Variants in COL14A1 observed in about 807,000 individuals in gnomAD.
COL14A1 encodes collagen alpha-1(XIV) chain.
In COL14A1, 136 loss-of-function variants were observed where a neutral mutation model predicts 230.3. The ratio of observed to expected loss-of-function variants is 0.59; its 90% CI spans 0.51 to 0.68. COL14A1 has a LOEUF of 0.68. Among genes scored for constraint, COL14A1 ranks in the 30% least tolerant of loss-of-function variants. The pLI is 0.00. For synonymous variants in COL14A1, 792 were observed against 784.1 expected (o/e 1.01, Z -0.17); for missense variants, 1,976 against 2,215.8 (o/e 0.89, Z 2.17).
At chr8:120,225,965 G>A (rs1402317102) in intron 15 of COL14A1, among the ~76,000 whole-genome samples, 1 of 151,114 alleles carries the variant, frequency 6.6e-6, no homozygotes, top group Non-Finnish European at 1.5e-5. Context: ...GATTCTCATG[G>A]TGTCCTATCA....
chr8:120,269,896 T>A, intron 25 of COL14A1, 139 bp from the exon 26 acceptor site: 2 of 808,128 alleles, frequency 2.5e-6, no homozygotes, highest in Non-Finnish European at 3.8e-6. Context: ...GAGTTTGGAA[T>A]ATGAACATTA....
chr8:120,325,056 A>G (rs756513178), intron 40 of COL14A1, among the ~76,000 whole-genome samples: 1 of 152,218 alleles, frequency 6.6e-6, no homozygotes, highest in Non-Finnish European at 1.5e-5. Context: ...TGTCTGTATA[A>G]CAACATGGTT....
intron 46 of COL14A1, among the ~76,000 whole-genome samples, chr8:120,367,456 T>G (rs1167428165): frequency 1.3e-5 from 2 of 152,174 alleles, no homozygotes; most frequent in East Asian, 3.9e-4. Flanking sequence ...GATCTTATTG[T>G]TTGTGTGAGT....
At chr8:120,275,787 C>A (rs1371995159) in intron 26 of COL14A1, among the ~76,000 whole-genome samples, 1 of 151,784 alleles carries the variant, frequency 6.6e-6, no homozygotes, top group Non-Finnish European at 1.5e-5. Context: ...TGAGATACCT[C>A]CTTGCCCCTG....
At chr8:120,332,637 T>G in intron 41 of COL14A1, 27 bp from the exon 42 acceptor site, 1 of 1,597,024 alleles carries the variant, frequency 6.3e-7, no homozygotes, top group East Asian at 2.2e-5. Context: ...TTCCTGACTT[T>G]GTTCCATTTT....
chr8:120,276,916 G>C (rs1359671556), intron 26 of COL14A1, among the ~76,000 whole-genome samples: 2 of 152,164 alleles, frequency 1.3e-5, no homozygotes, highest in African/African-American at 4.8e-5. Flanking sequence ...AAAGAAGCAA[G>C]TTCCCTTTGA....
chr8:120,266,912 T>G, intron 25 of COL14A1, 29 bp downstream of exon 25: 1 of 1,574,170 alleles, frequency 6.4e-7, no homozygotes, highest in Non-Finnish European at 8.7e-7. Flanking sequence ...AATTATCTGA[T>G]TCTAGGTTTA....
chr8:120,166,489 A>G (rs1354493335), intron 4 of COL14A1, among the ~76,000 whole-genome samples: 1 of 151,530 alleles, frequency 6.6e-6, no homozygotes, highest in Non-Finnish European at 1.5e-5. Flanking sequence ...TCAAAACGGA[A>G]GTTTCTCTAA....
At chr8:120,268,747 G>T (rs1326677530) in intron 25 of COL14A1, among the ~76,000 whole-genome samples, 1 of 151,650 alleles carries the variant, frequency 6.6e-6, no homozygotes, top group East Asian at 1.9e-4. Context: ...TACCCCAGAG[G>T]TAACTCCTTC....
At chr8:120,182,757 C>T (rs1353404228) in intron 5 of COL14A1, among the ~76,000 whole-genome samples, 5 of 127,962 alleles carry the variant, frequency 3.9e-5, no homozygotes, top group Non-Finnish European at 7.8e-5. Flanking sequence ...GGTGGAGTCT[C>T]ACTCTGTAGC....
At position 120,189,522 on chromosome 8, in the gene COL14A1, T is replaced by C. The variant is rs146910189; in HGVS notation, c.437-7269T>C. Reference sequence around the variant, plus strand: ...ATTATACTTTAAGTTTTAGGGTACATGTGCACAATGTGCAGGTTAGTTACA... The same window carrying C: ...ATTATACTTTAAGTTTTAGGGTACACGTGCACAATGTGCAGGTTAGTTACA... On this transcript the variant is annotated intron_variant, in intron 5 of 47. Coordinates refer to ENST00000297848, the MANE Select transcript of COL14A1 (RefSeq NM_021110.4). 9.7e-3 allele frequency among the ~76,000 whole-genome samples: 1,479 copies of C among 151,994 alleles called. 26 individuals carry two copies. The highest frequency in any genetic ancestry group is 0.034 in the African/African-American group (1,423 of 41,490).
At chr8:120,133,238 A>T (rs572831629) in intron 1 of COL14A1, among the ~76,000 whole-genome samples, 142 of 151,972 alleles carry the variant, frequency 9.3e-4, no homozygotes, top group Non-Finnish European at 8.8e-4. Context: ...AATAAAAAAA[A>T]AAAAAATAAC....
At chr8:120,137,736 A>G (rs965306284) in intron 1 of COL14A1, among the ~76,000 whole-genome samples, 4 of 151,480 alleles carry the variant, frequency 2.6e-5, no homozygotes, top group Admixed American at 6.6e-5. Context: ...ATATTGTTTA[A>G]TTTTCAAATA....
At chr8:120,201,210 C>T (rs1210489952) in intron 8 of COL14A1, among the ~76,000 whole-genome samples, 4 of 152,014 alleles carry the variant, frequency 2.6e-5, no homozygotes, top group Non-Finnish European at 5.9e-5. Context: ...CAAAGACATC[C>T]AGGGAAAAAA....
At position 120,182,726 on chromosome 8, in the gene COL14A1, G is replaced by GTT. The variant is rs756254098; in HGVS notation, c.437-14048_437-14047dup. Among the ~76,000 whole-genome samples, 65 of 129,006 alleles carry GTT rather than the reference G, an allele frequency of 5.0e-4. 1 individual carries two copies. The highest frequency in any genetic ancestry group is 1.3e-3 in the East Asian group (6 of 4,466). The allele number at this position is 129,006 out of a possible 152,430, so 84.6% of individuals were successfully genotyped here. A position where few individuals can be genotyped will look rare whatever the true frequency, so the allele number is the denominator to read the frequency against. ...AACTTAATTTTTTTTATTTTTCTTC[G>GTT]TTTTTTTTTTTTTTTTTTGAGGTGG... On this transcript the variant is annotated intron_variant, in intron 5 of 47. Coordinates refer to ENST00000297848, the MANE Select transcript of COL14A1 (RefSeq NM_021110.4).
At chr8:120,255,179 A>T in intron 22 of COL14A1, 61 bp from the exon 23 acceptor site, 1 of 1,345,516 alleles carries the variant, frequency 7.4e-7, no homozygotes, top group Non-Finnish European at 1.1e-6. Flanking sequence ...TTAATTTCAG[A>T]TTCAGGGATG....
At chr8:120,320,531 G>A (rs1022220064) in intron 40 of COL14A1, among the ~76,000 whole-genome samples, 3 of 152,152 alleles carry the variant, frequency 2.0e-5, no homozygotes, top group African/African-American at 7.2e-5. Context: ...TTGAGAAATT[G>A]AACTTGAGTC....
intron 5 of COL14A1, among the ~76,000 whole-genome samples, chr8:120,193,602 C>T (rs1016028087): frequency 1.1e-4 from 16 of 152,206 alleles, no homozygotes; most frequent in Admixed American, 5.2e-4. Context: ...ACATTTAAGT[C>T]TGCAGAGGTT....
intron 5 of COL14A1, among the ~76,000 whole-genome samples, chr8:120,190,995 G>T (rs1487132143): frequency 6.8e-6 from 1 of 146,822 alleles, no homozygotes; most frequent in African/African-American, 2.5e-5. Flanking sequence ...CAAAAAACCA[G>T]CTCCTGGATT....
Sources: allele counts gnomAD v4.1 joint callset (sites outside exome capture counted in the v4.1 genomes callset), GRCh38; gene constraint gnomAD v4.1.1; transcripts MANE v1.5; gene names NCBI Gene and HGNC (gene_info 2026-07-23, HGNC 2026-07-21).